Variants in SFI1 observed in about 807,000 individuals in gnomAD.
The protein encoded by SFI1 is SFI1 centrin binding protein, also known as protein SFI1 homolog.
Under a neutral mutation model 207.5 loss-of-function variants are expected in SFI1, and 195 were observed. The ratio of observed to expected loss-of-function variants is 0.94; its 90% confidence interval spans 0.84 to 1.06. The LOEUF is 1.06. Ranked by LOEUF, SFI1 falls within the 50% of genes least tolerant of loss-of-function variation. SFI1 has a pLI of 0.00. For synonymous variants in SFI1, 630 were observed against 598.9 expected, an observed-to-expected ratio of 1.05 and a Z score of -0.76; for missense variants, 1,634 against 1,588.0, an observed-to-expected ratio of 1.03 and a Z score of -0.49.
intron 20 of SFI1, 59 bp from the exon 21 acceptor site, chr22:31,606,269 G>A (rs2068949929): frequency 3.4e-6 from 5 of 1,474,344 alleles, no homozygotes; most frequent in Admixed American, 3.4e-5. Context: ...ATTCACAGAA[G>A]CCTCCCTTCT....
At chr22:31,519,272 CAT>C (rs968487308) in intron 2 of SFI1, among the ~76,000 whole-genome samples, 18 of 150,160 alleles carry the variant, frequency 1.2e-4, no homozygotes, top group African/African-American at 3.9e-4. Context: ...TTTTATTTTC[CAT>C]TTTTTTTTTT....
intron 9 of SFI1, 96 bp from the exon 10 acceptor site, chr22:31,575,135 T>A (rs2145910817): frequency 8.7e-4 from 765 of 878,108 alleles, no homozygotes; most frequent in Middle Eastern, 1.1e-3. Flanking sequence ...CTTGAACCCC[T>A]GCTCTCTGCC....
At chr22:31,531,345 A>G (rs1162668798) in intron 4 of SFI1, among the ~76,000 whole-genome samples, 1 of 152,166 alleles carries the variant, frequency 6.6e-6, no homozygotes, top group Non-Finnish European at 1.5e-5. Flanking sequence ...TGTGAATGTT[A>G]TCTACAAAGT....
In SFI1 at chr22:31,604,935, C is replaced by A. The variant is rs2068718300; in HGVS notation, c.2044C>A (p.Gln682Lys). The A allele has an allele frequency of 1.9e-6, 3 of 1,609,286 alleles. No homozygotes were observed. Among genetic ancestry groups the A allele is most frequent in the Middle Eastern group, 1.7e-4 (1 of 6,032 alleles). Reference sequence around the variant, plus strand: ...AGCCAGGGAGAGCCAGCACAACAGGCAGCTGCTGCGGTGAGTCTCCCGGGC... The same window carrying A: ...AGCCAGGGAGAGCCAGCACAACAGGAAGCTGCTGCGGTGAGTCTCCCGGGC... Reference protein sequence around the residue: ...VAARESQHNRQLLRGALRRWK... With the variant: ...VAARESQHNRKLLRGALRRWK... Residue 682 changes from glutamine to lysine, a missense_variant, in exon 20 of 33, where the codon CAG becomes AAG. By Grantham distance (53) the Gln-to-Lys change is moderately conservative. Coordinates refer to ENST00000400288, the MANE Select transcript of SFI1 (RefSeq NM_001007467.3).
chr22:31,530,697 G>A (rs1217488979), intron 3 of SFI1: 3 of 454,572 alleles, frequency 6.6e-6, no homozygotes, highest in Admixed American at 2.6e-5. Context: ...AGAGTACACA[G>A]CTACTCACTC....
chr22:31,553,625 G>A (rs1048232841), intron 6 of SFI1, among the ~76,000 whole-genome samples: 1 of 146,786 alleles, frequency 6.8e-6, no homozygotes, highest in African/African-American at 2.5e-5. Flanking sequence ...CACCTGCCTC[G>A]GCCTCCCAAA....
chr22:31,570,360 G>C (rs2145776971), intron 8 of SFI1, among the ~76,000 whole-genome samples: 1 of 152,290 alleles, frequency 6.6e-6, no homozygotes, highest in East Asian at 1.9e-4. Flanking sequence ...TAAGCAGTTG[G>C]AACAATGGAG....
intron 12 of SFI1, among the ~76,000 whole-genome samples, chr22:31,581,410 T>A (rs894518473): frequency 6.6e-6 from 1 of 152,042 alleles, no homozygotes; most frequent in East Asian, 1.9e-4. Context: ...TGTCTCAGCC[T>A]CCCAAGTAGC....
At chr22:31,526,949 A>G (rs1298624867) in intron 2 of SFI1, among the ~76,000 whole-genome samples, 1 of 151,858 alleles carries the variant, frequency 6.6e-6, no homozygotes, top group East Asian at 1.9e-4. Context: ...CCCAGGCTGG[A>G]TGGAGTGCAA....
intron 3 of SFI1, among the ~76,000 whole-genome samples, chr22:31,530,171 C>CAAAAAAAAAAAAAAA (rs1162482504): frequency 1.7e-4 from 2 of 12,106 alleles, no homozygotes; most frequent in African/African-American, 6.6e-4. Flanking sequence ...GACTCCATCT[C>CAAAAAAAAAAAAAAA]AAAAAAAAAA....
At chr22:31,556,226 C>CTT (rs564804510) in intron 6 of SFI1, among the ~76,000 whole-genome samples, 2 of 139,748 alleles carry the variant, frequency 1.4e-5, no homozygotes, top group Non-Finnish European at 3.1e-5. Context: ...TTTTTCTTTT[C>CTT]TTTTTTTTTT....
chr22:31,580,416 C>A, intron 12 of SFI1, 52 bp downstream of exon 12: 2 of 1,469,576 alleles, frequency 1.4e-6, no homozygotes, highest in Non-Finnish European at 1.9e-6. Context: ...CATTCTCTCT[C>A]GCTCTTTTTT....
chr22:31,570,665 G>T (rs1164311230), intron 8 of SFI1, among the ~76,000 whole-genome samples: 3 of 152,172 alleles, frequency 2.0e-5, no homozygotes, highest in South Asian at 2.1e-4. Flanking sequence ...ACTTTGGGAC[G>T]CTGAGGCGGG....
chr22:31,549,344 A>T (rs1260858609), intron 5 of SFI1, among the ~76,000 whole-genome samples: 1 of 127,594 alleles, frequency 7.8e-6, no homozygotes, highest in African/African-American at 2.8e-5. Context: ...AACATCATGG[A>T]TTTTTTTTTT....
At chr22:31,580,466 CT>C (rs984950487) in intron 12 of SFI1, 102 bp downstream of exon 12, 5 of 493,884 alleles carry the variant, frequency 1.0e-5, no homozygotes, top group African/African-American at 3.7e-5. Context: ...TTTAAAAAAA[CT>C]TTTTGTGCTT....
intron 4 of SFI1, among the ~76,000 whole-genome samples, chr22:31,540,281 T>A (rs2059358826): frequency 6.6e-6 from 1 of 150,966 alleles, no homozygotes. Flanking sequence ...TATTTATTTA[T>A]TTTTATTTTA....
intron 15 of SFI1, 85 bp downstream of exon 15, chr22:31,589,662 C>T (rs2065554030): frequency 1.4e-6 from 2 of 1,443,618 alleles, no homozygotes; most frequent in Non-Finnish European, 1.9e-6. Flanking sequence ...CTGTGCTTTT[C>T]AGCTTCCCAG....
chr22:31,594,539 C>T (rs977687005), intron 15 of SFI1, among the ~76,000 whole-genome samples: 8 of 90,760 alleles, frequency 8.8e-5, no homozygotes, highest in East Asian at 6.3e-4. Context: ...CAGGGCGAGA[C>T]GCCGTCTCAA....
intron 4 of SFI1, among the ~76,000 whole-genome samples, chr22:31,540,491 AG>A (rs2059378681): frequency 2.0e-5 from 3 of 151,522 alleles, no homozygotes; most frequent in African/African-American, 7.3e-5. Flanking sequence ...CCTCTTGGCC[AG>A]GCTGGTATTG....
Sources: gnomAD v4.1 joint callset for allele counts (sites outside exome capture counted in the v4.1 genomes callset) on GRCh38, gnomAD v4.1.1 for gene constraint, MANE v1.5 for transcripts, NCBI Gene and HGNC (gene_info 2026-07-23, HGNC 2026-07-21) for gene names.